The following NKAIN3 variants were observed in gnomAD, a reference collection of about 807,000 sequenced individuals.
NKAIN3 encodes sodium/potassium-transporting ATPase subunit beta-1-interacting protein 3.
A neutral mutation model predicts 30.2 loss-of-function variants in NKAIN3; 25 were observed. That is an observed-to-expected ratio of 0.83 (90% CI 0.60 to 1.16). The LOEUF (loss-of-function observed/expected upper bound fraction) is 1.16, where lower values mean the gene tolerates loss of function less well. Ranked by LOEUF, NKAIN3 falls within the 50% of genes most tolerant of loss-of-function variation. The probability of loss-of-function intolerance (pLI) is 0.00; values close to 1 mark genes in which losing one functional copy is unlikely to be tolerated. For synonymous variants in NKAIN3, 91 were observed against 89.6 expected (o/e 1.02, Z -0.09); for missense variants, 225 against 254.1 (o/e 0.89, Z 0.78).
intron 2 of NKAIN3, among the ~76,000 whole-genome samples, chr8:62,583,941 AG>A (rs778057462): frequency 2.6e-5 from 4 of 152,206 alleles, no homozygotes; most frequent in Non-Finnish European, 5.9e-5. Context: ...TTATTTGGGA[AG>A]GTTTTTTTTA....
intron 1 of NKAIN3, among the ~76,000 whole-genome samples, chr8:62,460,470 G>A (rs1267900412): frequency 1.3e-5 from 2 of 151,624 alleles, no homozygotes; most frequent in East Asian, 3.9e-4. Flanking sequence ...TTGTTTGGAA[G>A]TCTAGAAATT....
chr8:62,583,975 C>A (rs568589248), intron 2 of NKAIN3, among the ~76,000 whole-genome samples: 20 of 152,090 alleles, frequency 1.3e-4, no homozygotes, highest in African/African-American at 4.8e-4. Flanking sequence ...GTTGTTGTCA[C>A]AAATGCTTTG....
intron 1 of NKAIN3, among the ~76,000 whole-genome samples, chr8:62,363,608 T>C (rs1053515797): frequency 6.6e-6 from 1 of 152,126 alleles, no homozygotes; most frequent in Non-Finnish European, 1.5e-5. Context: ...ATTATTGGGG[T>C]CGATAAAATA....
chr8:62,801,111 G>T (rs1189303399), intron 4 of NKAIN3, among the ~76,000 whole-genome samples: 1 of 152,218 alleles, frequency 6.6e-6, no homozygotes, highest in Non-Finnish European at 1.5e-5. Context: ...CAAAGAAGCC[G>T]GGAAGCTCCA....
intron 1 of NKAIN3, among the ~76,000 whole-genome samples, chr8:62,515,727 T>C (rs546991431): frequency 6.6e-6 from 1 of 152,254 alleles, no homozygotes; most frequent in African/African-American, 2.4e-5. Context: ...TCCCAACATC[T>C]TTCTGACACT....
At chr8:62,738,844 C>A (rs1441270897) in intron 3 of NKAIN3, among the ~76,000 whole-genome samples, 1 of 152,088 alleles carries the variant, frequency 6.6e-6, no homozygotes, top group Non-Finnish European at 1.5e-5. Context: ...AATTAGATCC[C>A]ATTTGTCAAT....
chr8:62,588,399 T>C (rs755322512), intron 2 of NKAIN3, among the ~76,000 whole-genome samples: 5 of 151,886 alleles, frequency 3.3e-5, no homozygotes, highest in African/African-American at 4.8e-5. Context: ...TTACTCATTA[T>C]TATAATTGTA....
chr8:62,669,159 A>G (rs1813221864), intron 3 of NKAIN3, among the ~76,000 whole-genome samples: 1 of 152,204 alleles, frequency 6.6e-6, no homozygotes, highest in Non-Finnish European at 1.5e-5. Context: ...ATGACTGAGC[A>G]TGACTGGGAT....
downstream of NKAIN3, among the ~76,000 whole-genome samples, chr8:62,988,669 C>T (rs945810006): frequency 6.6e-6 from 1 of 152,252 alleles, no homozygotes. Context: ...GCCCAGGAAA[C>T]CATTTGTTCC....
chr8:62,537,565 G>C (rs142773307), intron 1 of NKAIN3, among the ~76,000 whole-genome samples: 51 of 151,910 alleles, frequency 3.4e-4, no homozygotes, highest in African/African-American at 1.1e-3. Context: ...GAATCAGGAA[G>C]AGTCTCCTTT....
intron 5 of NKAIN3, among the ~76,000 whole-genome samples, chr8:62,930,913 T>A (rs1822600692): frequency 6.6e-6 from 1 of 152,000 alleles, no homozygotes; most frequent in Admixed American, 6.5e-5. Flanking sequence ...TTCACCATGT[T>A]AGCCAGGATG....
chr8:62,392,460 GA>G (rs1226010997), intron 1 of NKAIN3, among the ~76,000 whole-genome samples: 1 of 151,816 alleles, frequency 6.6e-6, no homozygotes, highest in African/African-American at 2.4e-5. Flanking sequence ...TTGAAATATT[GA>G]AATTTTGCTG....
chr8:62,719,203 A>T (rs942749159), intron 3 of NKAIN3, among the ~76,000 whole-genome samples: 1 of 152,184 alleles, frequency 6.6e-6, no homozygotes, highest in Admixed American at 6.6e-5. Context: ...TGTGCGGTTG[A>T]CTATGGCCTG....
At chr8:62,593,689 T>G (rs1475722948) in intron 3 of NKAIN3, among the ~76,000 whole-genome samples, 1 of 152,060 alleles carries the variant, frequency 6.6e-6, no homozygotes, top group East Asian at 1.9e-4. Context: ...ATTAAAAATC[T>G]TTCTACAAAA....
chr8:62,710,540 C>A (rs756836354), intron 3 of NKAIN3, among the ~76,000 whole-genome samples: 12 of 151,936 alleles, frequency 7.9e-5, no homozygotes, highest in Non-Finnish European at 1.6e-4. Context: ...GAATAGCTAC[C>A]CCTGCTCACT....
chr8:62,923,713 C>A, intron 5 of NKAIN3, among the ~76,000 whole-genome samples: 1 of 152,114 alleles, frequency 6.6e-6, no homozygotes, highest in East Asian at 1.9e-4. Context: ...GGAGTCGACT[C>A]ATCTGCAACA....
intron 1 of NKAIN3, among the ~76,000 whole-genome samples, chr8:62,258,983 G>T (rs1288095620): frequency 6.6e-6 from 1 of 152,178 alleles, no homozygotes; most frequent in Non-Finnish European, 1.5e-5. Context: ...CTGCACAAAG[G>T]TGTTCATGTG....
chr8:62,595,034 T>C (rs1810778690), intron 3 of NKAIN3, among the ~76,000 whole-genome samples: 1 of 152,034 alleles, frequency 6.6e-6, no homozygotes, highest in African/African-American at 2.4e-5. Flanking sequence ...TTATTCTCAT[T>C]CTGCTGTGTT....
At chr8:62,898,080 A>G (rs1200762145) in intron 4 of NKAIN3, among the ~76,000 whole-genome samples, 1 of 152,190 alleles carries the variant, frequency 6.6e-6, no homozygotes, top group Non-Finnish European at 1.5e-5. Context: ...GCATTTAGCA[A>G]TCAATTACAC....
Sources: gnomAD v4.1 joint callset for allele counts (sites outside exome capture counted in the v4.1 genomes callset) on GRCh38, gnomAD v4.1.1 for gene constraint, MANE v1.5 for transcripts, NCBI Gene and HGNC (gene_info 2026-07-23, HGNC 2026-07-21) for gene names.